The following STON2 variants were observed in gnomAD, a reference collection of about 807,000 sequenced individuals.
STON2 encodes stonin 2.
In STON2, 29 loss-of-function variants were observed where a neutral mutation model predicts 65.7. The observed-to-expected ratio is 0.44, with a 90% CI of 0.33 to 0.60. The LOEUF is 0.60. Ranked by LOEUF, STON2 falls within the 20% of genes least tolerant of loss-of-function variation. The pLI, the probability that STON2 is intolerant of heterozygous loss-of-function variation, is 0.03. For synonymous variants in STON2, 404 were observed against 414.2 expected (o/e 0.98, Z 0.30); for missense variants, 1,054 against 1,118.1 (o/e 0.94, Z 0.82).
At chr14:81,322,438 C>A (rs1359386742) in intron 5 of STON2, among the ~76,000 whole-genome samples, 1 of 152,180 alleles carries the variant, frequency 6.6e-6, no homozygotes, top group East Asian at 1.9e-4. Flanking sequence ...CCACTTCTTG[C>A]TCACTTGGCC....
In STON2 at chr14:81,266,708, A is replaced by T; in HGVS notation, c.*1706T>A. On this transcript the variant is annotated 3_prime_UTR_variant, in exon 8 of 8. Coordinates refer to ENST00000614646, the MANE Select transcript of STON2 (RefSeq NM_001394390.1). Reference sequence around the variant, plus strand: ...CATTAGCTTTGTGAATAGCCATGATATATTTCTGATTCAACATTGAACCTC... The same window carrying T: ...CATTAGCTTTGTGAATAGCCATGATTTATTTCTGATTCAACATTGAACCTC... 2 of 985,368 alleles carry T rather than the reference A, an allele frequency of 2.0e-6. No individual in the cohort carries two copies. The highest frequency in any genetic ancestry group is 2.4e-6 in the Non-Finnish European group (2 of 829,894). 61.0% of individuals were successfully genotyped at this position (985,368 alleles called of 1,614,324 possible).
At chr14:81,380,565 A>C (rs986481443) in intron 3 of STON2, among the ~76,000 whole-genome samples, 9 of 152,238 alleles carry the variant, frequency 5.9e-5, no homozygotes. Flanking sequence ...AAGATGTAGA[A>C]TCAACCCAGA....
Position 81,263,921 on chromosome 14 carries a change from A to C in STON2, c.*4493T>G, listed in dbSNP as rs1894258790. Reference sequence around the variant, plus strand: ...ACCTCTGAAATCATGACTTTATCTCACAAATTTTGACCTTACTATCTCAGA... The same window carrying C: ...ACCTCTGAAATCATGACTTTATCTCCCAAATTTTGACCTTACTATCTCAGA... On this transcript the variant is annotated 3_prime_UTR_variant, in exon 8 of 8. Coordinates refer to ENST00000614646, the MANE Select transcript of STON2 (RefSeq NM_001394390.1). 1 of 985,334 alleles carries C rather than the reference A, an allele frequency of 1.0e-6. No homozygotes were observed. Among genetic ancestry groups the C allele is most frequent in the Non-Finnish European group, 1.2e-6 (1 of 829,944 alleles). The allele number at this position is 985,334 out of a possible 1,614,324, so 61.0% of individuals were successfully genotyped here. A position where few individuals can be genotyped will look rare whatever the true frequency, so the allele number is the denominator to read the frequency against.
At chr14:81,424,921 C>T (rs918832722) in intron 2 of STON2, among the ~76,000 whole-genome samples, 1 of 152,198 alleles carries the variant, frequency 6.6e-6, no homozygotes, top group African/African-American at 2.4e-5. Context: ...CATTTAGAGA[C>T]AGTTTCTCAA....
rs1460317505 is a variant in STON2 at position 81,357,164 on chromosome 14, A to G, written c.571+13824T>C. On this transcript the variant is annotated intron_variant, in intron 4 of 7. Transcript: ENST00000614646. ...CAACCTACTCATCTGACAAAGGGCT[A>G]ATATCCAGAATCTACAATGAACTCA... Among the ~76,000 whole-genome samples, 11 of 151,802 alleles carry G rather than the reference A, an allele frequency of 7.2e-5. No individual in the cohort carries two copies. The South Asian group carries it at 1.7e-3, about 23-fold the overall frequency.
intron 2 of STON2, among the ~76,000 whole-genome samples, chr14:81,407,544 G>A (rs543729906): frequency 6.6e-6 from 1 of 152,290 alleles, no homozygotes; most frequent in African/African-American, 2.4e-5. Flanking sequence ...GCTAGGTAGC[G>A]TCTATGAAAA....
chr14:81,365,854 G>T (rs1898698902), intron 4 of STON2, among the ~76,000 whole-genome samples: 1 of 152,180 alleles, frequency 6.6e-6, no homozygotes, highest in Admixed American at 6.5e-5. Context: ...CTCTTCCCTG[G>T]TTGGAATGAA....
chr14:81,353,506 T>C (rs1306581402), intron 4 of STON2, among the ~76,000 whole-genome samples: 2 of 152,150 alleles, frequency 1.3e-5, no homozygotes, highest in Non-Finnish European at 2.9e-5. Flanking sequence ...GTCACCTACA[T>C]GGTCCACAGG....
chr14:81,342,946 A>T (rs956272809), intron 4 of STON2, among the ~76,000 whole-genome samples: 1 of 152,166 alleles, frequency 6.6e-6, no homozygotes, highest in Admixed American at 6.5e-5. Flanking sequence ...ACTGGCCCCA[A>T]CACAAGTCAA....
chr14:81,315,518 A>ACGC (rs10691285), intron 5 of STON2, among the ~76,000 whole-genome samples: 119,541 of 152,050 alleles, frequency 0.79, 47,140 homozygotes, highest in African/African-American at 0.8. Context: ...TAGGCAGGTG[A>ACGC]CGATACTGGC....
intron 5 of STON2, among the ~76,000 whole-genome samples, chr14:81,321,866 T>C (rs1490633468): frequency 6.6e-6 from 1 of 152,100 alleles, no homozygotes; most frequent in Non-Finnish European, 1.5e-5. Context: ...GAAGCCCCCA[T>C]CCCATCCCAT....
intron 4 of STON2, among the ~76,000 whole-genome samples, chr14:81,364,164 G>A (rs1370755372): frequency 1.3e-5 from 2 of 152,160 alleles, no homozygotes. Context: ...AAAAGAAACT[G>A]AGTTCAAAAT....
chr14:81,425,550 C>T (rs934963857), intron 2 of STON2, among the ~76,000 whole-genome samples: 2 of 151,498 alleles, frequency 1.3e-5, no homozygotes, highest in East Asian at 1.9e-4. Flanking sequence ...CCAGCCTGGA[C>T]GACAGAGTGA....
At chr14:81,357,522 C>A in intron 4 of STON2, among the ~76,000 whole-genome samples, 1 of 150,726 alleles carries the variant, frequency 6.6e-6, no homozygotes, top group Non-Finnish European at 1.5e-5. Flanking sequence ...ACTAGAAATA[C>A]CATTTGACCC....
intron 1 of STON2, among the ~76,000 whole-genome samples, chr14:81,428,919 TAGAA>T (rs1902111387): frequency 6.6e-6 from 1 of 152,196 alleles, no homozygotes. Flanking sequence ...TTCAGGTAGA[TAGAA>T]AGCCACTGAT....
In STON2 at chr14:81,371,146, A is replaced by C. The variant is rs748384669; in HGVS notation, c.413T>G (p.Phe138Cys). The C allele has an allele frequency of 6.2e-7, 1 of 1,614,026 alleles. No individual in the cohort carries two copies. The highest frequency in any genetic ancestry group is 8.5e-7 in the Non-Finnish European group (1 of 1,180,010). Reference sequence around the variant, plus strand: ...CAGAGGGCATCTCCCCAGGGAGTCAAAGGAAGGGCATGTCCAGCAGGGCAT... The same window carrying C: ...CAGAGGGCATCTCCCCAGGGAGTCACAGGAAGGGCATGTCCAGCAGGGCAT... ...LTMPCWTCPSFDSLGRCPLTS... is the reference protein window; with the variant it reads ...LTMPCWTCPSCDSLGRCPLTS... Residue 138 changes from phenylalanine (F) to cysteine (C), a missense_variant, in exon 4 of 8, where the codon TTT becomes TGT. Transcript: ENST00000614646.
intron 1 of STON2, among the ~76,000 whole-genome samples, chr14:81,433,159 A>G (rs1902283927): frequency 6.6e-6 from 1 of 152,194 alleles, no homozygotes; most frequent in South Asian, 2.1e-4. Flanking sequence ...AAGATGAGAG[A>G]GCACGTGCAT....
chr14:81,388,440 T>C (rs939552377), intron 3 of STON2, among the ~76,000 whole-genome samples: 4 of 152,208 alleles, frequency 2.6e-5, no homozygotes, highest in African/African-American at 9.7e-5. Flanking sequence ...AACCTTGGTA[T>C]GCTTCAGTGC....
At chr14:81,297,404 A>G (rs1424339566) in intron 5 of STON2, among the ~76,000 whole-genome samples, 1 of 152,128 alleles carries the variant, frequency 6.6e-6, no homozygotes, top group Admixed American at 6.5e-5. Context: ...TGAGTTGGCA[A>G]CCCTTAGTCT....
Sources: allele counts gnomAD v4.1 joint callset (sites outside exome capture counted in the v4.1 genomes callset), GRCh38; gene constraint gnomAD v4.1.1; transcripts MANE v1.5; gene names NCBI Gene and HGNC (gene_info 2026-07-23, HGNC 2026-07-21).